Variants in PCM1 observed in about 807,000 individuals in gnomAD.
The protein encoded by PCM1 is pericentriolar material 1.
A neutral mutation model predicts 241.9 loss-of-function variants in PCM1; 157 were observed. That is an observed-to-expected ratio of 0.65 (90% CI 0.57 to 0.74). PCM1 has a LOEUF of 0.74. Ranked by LOEUF, PCM1 falls within the 30% of genes least tolerant of loss-of-function variation. The pLI is 0.00. For synonymous variants in PCM1, 1,085 were observed against 784.9 expected (o/e 1.38, Z -6.39); for missense variants, 3,478 against 2,360.1 (o/e 1.47, Z -9.81).
intron 24 of PCM1, among the ~76,000 whole-genome samples, chr8:17,983,063 A>AT (rs761213884): frequency 2.0e-5 from 3 of 152,062 alleles, no homozygotes; most frequent in East Asian, 1.9e-4. Flanking sequence ...ACCTTTTGAG[A>AT]TTTTTTTTCT....
At chr8:17,969,801 A>T (rs1322934074) in intron 22 of PCM1, 53 bp downstream of exon 22, 5 of 1,323,182 alleles carry the variant, frequency 3.8e-6, no homozygotes, top group Non-Finnish European at 5.3e-6. Flanking sequence ...TTGTGATTAC[A>T]TCTAATTATG....
chr8:18,014,074 T>G lies in PCM1; in HGVS notation c.5584+38T>G, dbSNP rs1382733752. On this transcript the variant is annotated intron_variant, in intron 35 of 38. Transcript: ENST00000325083. The stretch of plus-strand genomic sequence containing the variant: ...AATAAGTCTTTGATTTTAAGATAAT[T>G]TCCTTTATTTGCTTTAAAGCTAAAA... 3.4e-6 allele frequency: 4 copies of G among 1,169,580 alleles called. No individual in the cohort carries two copies. In the South Asian group the frequency reaches 5.9e-5, roughly 17 times the overall value. The allele number at this position is 1,169,580 out of a possible 1,614,324, so 72.5% of individuals were successfully genotyped here. A position where few individuals can be genotyped will look rare whatever the true frequency, so the allele number is the denominator to read the frequency against.
rs1310608021 is a variant in PCM1 at position 18,025,361 on chromosome 8, G to C, written c.5842G>C (p.Glu1948Gln). Residue 1948 changes from glutamate (E) to glutamine (Q), a missense_variant and splice_region_variant, in exon 37 of 39, where the codon GAA becomes CAA. Physicochemically the swap from Glu to Gln is conservative, Grantham distance 29 (BLOSUM62 2). Transcript: ENST00000325083. The part of the protein sequence containing the change: ...TESPVLVNDY[E>Q]AESGNISQKS... ...ATTTTTTTTTTTCATTACATTACAG[G>C]AAGCAGAATCTGGTAATATAAGTCA... The C allele has an allele frequency of 3.2e-6, 5 of 1,554,886 alleles. No homozygotes were observed. Among genetic ancestry groups the C allele is most frequent in the Non-Finnish European group, 4.4e-6 (5 of 1,132,850 alleles).
chr8:17,991,221 A>G (rs1290802583), intron 27 of PCM1, among the ~76,000 whole-genome samples: 1 of 152,170 alleles, frequency 6.6e-6, no homozygotes, highest in African/African-American at 2.4e-5. Context: ...AAATGAAACA[A>G]CAAAATGAAA....
chr8:18,018,733 C>T (rs955259076), intron 36 of PCM1, among the ~76,000 whole-genome samples: 4 of 150,984 alleles, frequency 2.6e-5, no homozygotes, highest in African/African-American at 4.9e-5. Flanking sequence ...ATCGCTTGAA[C>T]CCGGGAGGTG....
chr8:17,927,702 C>T (rs1018064163), intron 2 of PCM1: 1 of 151,812 alleles, frequency 6.6e-6, no homozygotes, highest in Admixed American at 6.6e-5. Context: ...AGACGCGTGC[C>T]ACCACGTCCG....
chr8:18,025,395 A>T lies in PCM1; in HGVS notation c.5876A>T (p.Asp1959Val), dbSNP rs1259953010. 6.2e-7 allele frequency: 1 copy of T among 1,602,948 alleles called. No individual in the cohort carries two copies. The highest frequency in any genetic ancestry group is 8.5e-7 in the Non-Finnish European group (1 of 1,172,454). Residue 1959 changes from aspartate (D) to valine (V), a missense_variant, in exon 37 of 39, where the codon GAT (aspartate) becomes GTT (valine). Transcript: ENST00000325083. Reference protein sequence around the residue: ...AESGNISQKSDEEDFVKVEDL... With the variant: ...AESGNISQKSVEEDFVKVEDL... ...TCTGGTAATATAAGTCAAAAGTCTG[A>T]TGAAGAAGATTTTGTAAAAGTTGAA...
At chr8:18,012,809 CTT>C (rs1336768091) in intron 34 of PCM1, among the ~76,000 whole-genome samples, 1 of 151,976 alleles carries the variant, frequency 6.6e-6, no homozygotes, top group African/African-American at 2.4e-5. Context: ...TTTGGTTTTA[CTT>C]TGAGAGATTT....
chr8:18,016,136 C>A (rs929759183), intron 36 of PCM1, among the ~76,000 whole-genome samples: 3 of 152,192 alleles, frequency 2.0e-5, no homozygotes, highest in African/African-American at 7.2e-5. Context: ...AATCCGCCTG[C>A]CTCAGCCTCC....
intron 23 of PCM1, among the ~76,000 whole-genome samples, chr8:17,978,945 G>T (rs528386925): frequency 1.3e-5 from 2 of 152,192 alleles, no homozygotes; most frequent in African/African-American, 4.8e-5. Flanking sequence ...AATAATCATA[G>T]AAGCTATTCT....
At chr8:18,004,993 A>G (rs2090841853) in intron 29 of PCM1, among the ~76,000 whole-genome samples, 1 of 152,034 alleles carries the variant, frequency 6.6e-6, no homozygotes, top group Non-Finnish European at 1.5e-5. Flanking sequence ...AACATTTTCC[A>G]TATCTACTGT....
At chr8:18,026,027 G>T (rs191394478) in intron 38 of PCM1, among the ~76,000 whole-genome samples, 6 of 151,466 alleles carry the variant, frequency 4.0e-5, no homozygotes, top group South Asian at 2.1e-4. Context: ...AGCCAAGCGC[G>T]GTGGCGGGCG....
intron 15 of PCM1, among the ~76,000 whole-genome samples, chr8:17,960,920 AAGAC>A (rs1198117333): frequency 6.6e-6 from 1 of 152,146 alleles, no homozygotes; most frequent in Non-Finnish European, 1.5e-5. Flanking sequence ...TACAGTGTAA[AAGAC>A]AGCACATAGG....
intron 2 of PCM1, chr8:17,926,158 T>G (rs542311412): frequency 5.4e-4 from 82 of 152,300 alleles, no homozygotes; most frequent in Middle Eastern, 3.4e-3. Flanking sequence ...AAATTAGTTA[T>G]AAGATTTTCC....
chr8:17,976,282 G>A (rs904644935), intron 23 of PCM1, among the ~76,000 whole-genome samples: 2 of 152,216 alleles, frequency 1.3e-5, no homozygotes, highest in African/African-American at 4.8e-5. Flanking sequence ...CTTGAAAAGA[G>A]TGACACCGAA....
intron 12 of PCM1, 29 bp from the exon 13 acceptor site, chr8:17,957,511 C>A (rs540504020): frequency 1.0e-5 from 16 of 1,603,314 alleles, no homozygotes; most frequent in African/African-American, 2.7e-5. Context: ...TTAAAAGTTA[C>A]TGGTTTTAAT....
At chr8:17,998,678 C>A (rs1378384929) in intron 29 of PCM1, among the ~76,000 whole-genome samples, 1 of 152,154 alleles carries the variant, frequency 6.6e-6, no homozygotes, top group Admixed American at 6.5e-5. Flanking sequence ...TGACTACCGC[C>A]TAAATTTGCC....
chr8:17,954,117 A>G (rs1449784981), intron 9 of PCM1, among the ~76,000 whole-genome samples: 1 of 152,186 alleles, frequency 6.6e-6, no homozygotes, highest in Non-Finnish European at 1.5e-5. Context: ...TTTATCCTTT[A>G]CAAACACATG....
At chr8:17,957,104 A>C (rs1204045234) in intron 11 of PCM1, among the ~76,000 whole-genome samples, 160 bp from the exon 12 acceptor site, 1 of 152,216 alleles carries the variant, frequency 6.6e-6, no homozygotes, top group African/African-American at 2.4e-5. Flanking sequence ...ACATATGCAG[A>C]AGTTAATGAA....
Sources: allele counts gnomAD v4.1 joint callset (sites outside exome capture counted in the v4.1 genomes callset), GRCh38; gene constraint gnomAD v4.1.1; transcripts MANE v1.5; gene names NCBI Gene and HGNC (gene_info 2026-07-23, HGNC 2026-07-21).